Variants in CCNT2 observed in about 807,000 individuals in gnomAD.
CCNT2 encodes cyclin T2.
A neutral mutation model predicts 70.0 loss-of-function variants in CCNT2; 18 were observed. The ratio of observed to expected loss-of-function variants is 0.26; its 90% CI spans 0.18 to 0.38. The LOEUF (loss-of-function observed/expected upper bound fraction) is 0.38. Ranked by LOEUF, CCNT2 falls within the 10% of genes least tolerant of loss-of-function variation. CCNT2 has a pLI of 1.00. For synonymous variants in CCNT2, 334 were observed against 313.3 expected (o/e 1.07, Z -0.70); for missense variants, 734 against 890.2 (o/e 0.82, Z 2.23).
intron 1 of CCNT2, 85 bp downstream of exon 1, chr2:134,919,097 G>A: frequency 6.9e-7 from 1 of 1,456,828 alleles, no homozygotes. Flanking sequence ...TGGCGCCGCC[G>A]GCCTCGGCCT....
chr2:134,943,423 G>A (rs773209209), intron 5 of CCNT2: 9 of 984,622 alleles, frequency 9.1e-6, no homozygotes, highest in African/African-American at 1.7e-5. Flanking sequence ...TTATTTTTGT[G>A]GGGGGAGTGT....
intron 4 of CCNT2, among the ~76,000 whole-genome samples, chr2:134,940,889 C>T (rs1290719235): frequency 1.3e-5 from 2 of 152,138 alleles, no homozygotes; most frequent in East Asian, 1.9e-4. Context: ...AGATTGAGGT[C>T]TGTAGCTACA....
At chr2:134,942,158 T>A (rs954532742) in intron 4 of CCNT2, among the ~76,000 whole-genome samples, 1 of 151,292 alleles carries the variant, frequency 6.6e-6, no homozygotes, top group Non-Finnish European at 1.5e-5. Flanking sequence ...TGAAACCCTT[T>A]GATCTAGAGT....
intron 1 of CCNT2, 47 bp downstream of exon 1, chr2:134,919,059 G>T: frequency 6.5e-7 from 1 of 1,537,914 alleles, no homozygotes; most frequent in Non-Finnish European, 8.8e-7. Context: ...TCCCTTGCCC[G>T]GTCGCCGGGC....
chr2:134,930,004 T>G (rs1206609949), intron 2 of CCNT2, among the ~76,000 whole-genome samples: 2 of 151,652 alleles, frequency 1.3e-5, no homozygotes, highest in African/African-American at 4.8e-5. Context: ...GAGAGAGAGA[T>G]ACAATTCATA....
chr2:134,941,734 T>C (rs1054893466), intron 4 of CCNT2, among the ~76,000 whole-genome samples: 2 of 152,238 alleles, frequency 1.3e-5, no homozygotes, highest in African/African-American at 4.8e-5. Context: ...TTAGTTGTTA[T>C]ATAAAATCGT....
intron 5 of CCNT2, chr2:134,944,788 A>G: frequency 1.0e-6 from 1 of 985,402 alleles, no homozygotes; most frequent in Non-Finnish European, 1.2e-6. Flanking sequence ...ACTTTTAGCT[A>G]ACAGCATTTC....
chr2:134,939,656 G>A lies in CCNT2; in HGVS notation c.430+594G>A, dbSNP rs557485868. 2.6e-5 allele frequency among the ~76,000 whole-genome samples: 4 copies of A among 152,084 alleles called. No homozygotes were observed. The South Asian group carries it at 8.3e-4, about 32-fold the overall frequency. ...ATTTTTTTGTAATTTAGTAGAGACGGGGTTTCACCGTGTTGCCCAGGCTGG... is the reference window on the plus strand; with the variant it reads ...ATTTTTTTGTAATTTAGTAGAGACGAGGTTTCACCGTGTTGCCCAGGCTGG... On this transcript the variant is annotated intron_variant, in intron 4 of 8. Transcript: ENST00000264157.
intron 4 of CCNT2, among the ~76,000 whole-genome samples, chr2:134,940,629 T>G (rs1269727890): frequency 6.6e-6 from 1 of 152,214 alleles, no homozygotes; most frequent in Non-Finnish European, 1.5e-5. Flanking sequence ...TGAGCTCACA[T>G]GTTATGAGTA....
chr2:134,919,737 G>C, intron 1 of CCNT2, 73 bp from the exon 2 acceptor site: 1 of 1,199,474 alleles, frequency 8.3e-7, no homozygotes, highest in Non-Finnish European at 1.2e-6. Flanking sequence ...AAGAACCTGG[G>C]AATTTTCCAT....
In CCNT2 at chr2:134,954,231, C is replaced by A; in HGVS notation, c.1776C>A (p.Asp592Glu). 22 of 1,614,124 alleles carry A rather than the reference C, an allele frequency of 1.4e-5. No individual in the cohort carries two copies. The highest frequency in any genetic ancestry group is 1.8e-5 in the Non-Finnish European group (21 of 1,180,028). Reference protein sequence around the residue: ...SSSGGSKHSADGIPPTVLRSP... With the variant: ...SSSGGSKHSAEGIPPTVLRSP... Reference sequence around the variant, plus strand: ...GCGGTGGCAGTAAACACAGTGCCGACGGAATACCACCCACTGTTCTGAGGA... The same window carrying A: ...GCGGTGGCAGTAAACACAGTGCCGAAGGAATACCACCCACTGTTCTGAGGA... The change falls in exon 9 of 9, where the codon GAC (aspartate) becomes GAA (glutamate). Residue 592 changes from aspartate to glutamate, a missense_variant. This residue lies in a region of CCNT2 where 532 missense variants were observed against 556.9 expected (regional missense o/e 0.96). Coordinates refer to ENST00000264157, the MANE Select transcript of CCNT2 (RefSeq NM_058241.3).
intron 4 of CCNT2, among the ~76,000 whole-genome samples, chr2:134,941,356 G>C (rs1030194290): frequency 6.6e-6 from 1 of 152,026 alleles, no homozygotes; most frequent in Non-Finnish European, 1.5e-5. Context: ...TTTCTTAATA[G>C]TTTCTTTAGC....
At chr2:134,927,758 A>G (rs986193270) in intron 2 of CCNT2, among the ~76,000 whole-genome samples, 5 of 152,204 alleles carry the variant, frequency 3.3e-5, no homozygotes, top group African/African-American at 1.2e-4. Context: ...ACATACATAT[A>G]CATTCTAGGG....
Position 134,942,660 on chromosome 2 carries a change from C to G in CCNT2, c.479C>G (p.Thr160Ser). 1 of 1,609,282 alleles carries G rather than the reference C, an allele frequency of 6.2e-7. No homozygotes were observed. Among genetic ancestry groups the G allele is most frequent in the Non-Finnish European group, 8.5e-7 (1 of 1,178,106 alleles). The stretch of plus-strand genomic sequence containing the variant: ...CCACACACAGATGTGGTGAAATGTA[C>G]CCAGTTAGTAAGAGGTAGGTGATCC... ...EHPHTDVVKC[T>S]QLVRASKDLA... Residue 160 changes from threonine to serine, a missense_variant, in exon 5 of 9, where the codon ACC (threonine) becomes AGC (serine). Around this residue, in one of 3 missense-constraint regions of CCNT2, gnomAD observed 161 missense variants for 303.8 expected, o/e 0.53. Transcript: ENST00000264157.
chr2:134,932,264 G>A (rs763362000), intron 2 of CCNT2, among the ~76,000 whole-genome samples: 9 of 152,112 alleles, frequency 5.9e-5, no homozygotes, highest in Non-Finnish European at 1.2e-4. Context: ...GCATCCCGAA[G>A]TGCTGGGATT....
rs758222548 is a variant in CCNT2 at position 134,918,824 on chromosome 2, G to C, written c.-31G>C. The C allele has an allele frequency of 1.2e-6, 2 of 1,600,454 alleles. No homozygotes were observed. The highest frequency in any genetic ancestry group is 3.4e-5 in the Admixed American group (2 of 59,040). On this transcript the variant is annotated 5_prime_UTR_variant, in exon 1 of 9. Coordinates refer to ENST00000264157, the MANE Select transcript of CCNT2 (RefSeq NM_058241.3). ...CCGCGAGCCAGGAGGGGCGGGGGGT[G>C]AATGAAGGAGCGGGCGGAGGAGGAA... is the stretch of plus-strand genomic sequence containing the variant.
chr2:134,945,547 A>G (rs546063141), intron 5 of CCNT2: 1 of 985,370 alleles, frequency 1.0e-6, no homozygotes, highest in African/African-American at 1.7e-5. Flanking sequence ...AGCCTCCTGT[A>G]TCTGTACCCG....
chr2:134,930,969 A>AT (rs60712972), intron 2 of CCNT2, among the ~76,000 whole-genome samples: 38,061 of 144,616 alleles, frequency 0.26, 5,257 homozygotes, highest in Middle Eastern at 0.6. Context: ...AAGGATTTGA[A>AT]TTTTTTTTTT....
chr2:134,929,130 A>C (rs1475495625), intron 2 of CCNT2, among the ~76,000 whole-genome samples: 1 of 151,142 alleles, frequency 6.6e-6, no homozygotes, highest in Non-Finnish European at 1.5e-5. Context: ...AATGCCAAAA[A>C]GTTATTTGCT....
Sources: gnomAD v4.1 joint callset for allele counts (sites outside exome capture counted in the v4.1 genomes callset) on GRCh38, gnomAD v4.1.1 for gene constraint, gnomAD v4.1.1 regional missense constraint, MANE v1.5 for transcripts, NCBI Gene and HGNC (gene_info 2026-07-23, HGNC 2026-07-21) for gene names.